Variants in SCEL observed in about 807,000 individuals in gnomAD.
SCEL encodes the protein sciellin.
A neutral mutation model predicts 117.6 loss-of-function variants in SCEL; 113 were observed. That is an observed-to-expected ratio of 0.96 (90% CI 0.83 to 1.12). The LOEUF is 1.12. Among genes scored for constraint, SCEL ranks in the 50% most tolerant of loss-of-function variants. SCEL has a pLI of 0.00. For synonymous variants in SCEL, 270 were observed against 256.2 expected (o/e 1.05, Z -0.51); for missense variants, 785 against 810.8 (o/e 0.97, Z 0.39).
At chr13:77,572,015 A>T in intron 8 of SCEL, 109 bp from the exon 9 acceptor site, 1 of 877,370 alleles carries the variant, frequency 1.1e-6, no homozygotes, top group Non-Finnish European at 1.9e-6. Flanking sequence ...TTTTACTTCC[A>T]AGGTTTGGTA....
At chr13:77,560,260 G>A (rs1313321781) in intron 4 of SCEL, among the ~76,000 whole-genome samples, 2 of 93,736 alleles carry the variant, frequency 2.1e-5, no homozygotes, top group African/African-American at 8.0e-5. Flanking sequence ...GCCAGACCCT[G>A]CCTCTAAAAA....
intron 27 of SCEL, among the ~76,000 whole-genome samples, chr13:77,624,273 T>C (rs1433215304): frequency 6.6e-6 from 1 of 151,864 alleles, no homozygotes; most frequent in Non-Finnish European, 1.5e-5. Flanking sequence ...GCTCAGCTAA[T>C]TTTTGTATTT....
intron 2 of SCEL, 60 bp from the exon 3 acceptor site, chr13:77,556,536 C>T: frequency 7.0e-7 from 1 of 1,420,740 alleles, no homozygotes; most frequent in Non-Finnish European, 9.9e-7. Flanking sequence ...TTCAGGTTAA[C>T]AAGCCCACGC....
At chr13:77,586,452 T>C (rs2086570319) in intron 9 of SCEL, among the ~76,000 whole-genome samples, 1 of 152,124 alleles carries the variant, frequency 6.6e-6, no homozygotes. Context: ...ACCAGTTTTT[T>C]CACAGTCCCC....
intron 28 of SCEL, among the ~76,000 whole-genome samples, chr13:77,632,499 A>G (rs1267044856): frequency 6.6e-6 from 1 of 152,228 alleles, no homozygotes; most frequent in African/African-American, 2.4e-5. Flanking sequence ...ATAAAATTTT[A>G]GCTCACCTGT....
intron 30 of SCEL, among the ~76,000 whole-genome samples, chr13:77,640,472 A>G (rs2090505750): frequency 6.6e-6 from 1 of 152,130 alleles, no homozygotes; most frequent in African/African-American, 2.4e-5. Flanking sequence ...CTCTCATGTT[A>G]ATTATTTGAT....
At chr13:77,601,129 T>G (rs2087650806) in intron 15 of SCEL, among the ~76,000 whole-genome samples, 3 of 146,220 alleles carry the variant, frequency 2.1e-5, no homozygotes, top group Admixed American at 1.4e-4. Context: ...TTTTTTTTTT[T>G]GTACATGGCT....
chr13:77,638,018 A>G (rs2090386674), intron 30 of SCEL, among the ~76,000 whole-genome samples: 1 of 152,214 alleles, frequency 6.6e-6, no homozygotes, highest in African/African-American at 2.4e-5. Context: ...GAAACAAGCC[A>G]TCATGCAAAT....
intron 19 of SCEL, among the ~76,000 whole-genome samples, chr13:77,604,679 G>T (rs989714145): frequency 6.6e-6 from 1 of 152,160 alleles, no homozygotes; most frequent in South Asian, 2.1e-4. Flanking sequence ...TGAACTAAAT[G>T]ATTTATTTCT....
At chr13:77,625,643 T>G (rs1244978567) in intron 27 of SCEL, among the ~76,000 whole-genome samples, 1 of 152,218 alleles carries the variant, frequency 6.6e-6, no homozygotes, top group African/African-American at 2.4e-5. Flanking sequence ...GGCTTAAGTA[T>G]GGCTAGGGAA....
intron 12 of SCEL, among the ~76,000 whole-genome samples, chr13:77,596,405 T>A (rs1053388057): frequency 3.3e-5 from 5 of 152,188 alleles, no homozygotes; most frequent in African/African-American, 1.2e-4. Context: ...TTTATTATAA[T>A]GGCCCAAATT....
At chr13:77,557,375 G>A (rs1423702720) in intron 3 of SCEL, among the ~76,000 whole-genome samples, 3 of 152,132 alleles carry the variant, frequency 2.0e-5, no homozygotes, top group Non-Finnish European at 4.4e-5. Flanking sequence ...GTATTTGTCC[G>A]ATTATATATT....
At chr13:77,543,358 C>T (rs1336671332) in intron 1 of SCEL, among the ~76,000 whole-genome samples, 1 of 152,174 alleles carries the variant, frequency 6.6e-6, no homozygotes, top group African/African-American at 2.4e-5. Context: ...GCTGGGACTA[C>T]AGGCGTGAGC....
At chr13:77,628,138 G>T (rs1362176266) in intron 28 of SCEL, 129 bp downstream of exon 28, 1 of 188,754 alleles carries the variant, frequency 5.3e-6, no homozygotes, top group Non-Finnish European at 1.0e-5. Context: ...TTTGGATAGT[G>T]TGTATGTATA....
Position 77,604,413 on chromosome 13 carries a change from G to T in SCEL, c.1155G>T (p.Thr385=), listed in dbSNP as rs761739519. The part of the protein sequence containing the change: ...KVDPETNKNI[T]RGQSLDNLIK... ...ATCCTGAAACAAATAAAAATATTAC[G>T]AGGTAAGACATTTAAAGCTCCCCCC... Residue 385 remains threonine, a splice_region_variant and synonymous_variant, in exon 19 of 33, where the codon ACG becomes ACT. Transcript: ENST00000349847. 10 of 1,575,486 alleles carry T rather than the reference G, an allele frequency of 6.3e-6. No individual in the cohort carries two copies. In the African/African-American group the frequency reaches 1.2e-4, roughly 20 times the overall value.
intron 27 of SCEL, among the ~76,000 whole-genome samples, chr13:77,620,283 A>G (rs1259612920): frequency 1.3e-5 from 2 of 152,186 alleles, no homozygotes; most frequent in Non-Finnish European, 2.9e-5. Context: ...CCGTATCTGT[A>G]ATCTCTCCAT....
intron 7 of SCEL, 23 bp from the exon 8 acceptor site, chr13:77,569,348 T>A: frequency 6.3e-7 from 1 of 1,594,806 alleles, no homozygotes; most frequent in Non-Finnish European, 8.6e-7. Context: ...GTGGGATTAA[T>A]TGTTGTTCTT....
At chr13:77,639,080 C>T (rs941976990) in intron 30 of SCEL, among the ~76,000 whole-genome samples, 1 of 152,118 alleles carries the variant, frequency 6.6e-6, no homozygotes, top group African/African-American at 2.4e-5. Flanking sequence ...TTATATCATG[C>T]ATCTAGTTTC....
intron 28 of SCEL, among the ~76,000 whole-genome samples, chr13:77,631,570 G>A (rs1248150082): frequency 1.3e-5 from 2 of 152,158 alleles, no homozygotes; most frequent in African/African-American, 4.8e-5. Flanking sequence ...GAATCTGGGT[G>A]AAGGTGTACA....
Sources: gnomAD v4.1 joint callset for allele counts (sites outside exome capture counted in the v4.1 genomes callset) on GRCh38, gnomAD v4.1.1 for gene constraint, MANE v1.5 for transcripts, NCBI Gene and HGNC (gene_info 2026-07-23, HGNC 2026-07-21) for gene names.